The following EPB41L4B variants were observed in gnomAD, a reference collection of about 807,000 sequenced individuals.
EPB41L4B encodes band 4.1-like protein 4B.
A neutral mutation model predicts 112.5 loss-of-function variants in EPB41L4B; 30 were observed. The ratio of observed to expected loss-of-function variants is 0.27; its 90% confidence interval spans 0.20 to 0.36. EPB41L4B has a LOEUF of 0.36. Among genes scored for constraint, EPB41L4B ranks in the 10% least tolerant of loss-of-function variants. EPB41L4B has a pLI of 1.00. For synonymous variants in EPB41L4B, 408 were observed against 439.7 expected (o/e 0.93, Z 0.90); for missense variants, 1,024 against 1,133.3 (o/e 0.90, Z 1.38).
chr9:109,271,264 G>A (rs972048098), intron 2 of EPB41L4B, among the ~76,000 whole-genome samples: 1 of 152,208 alleles, frequency 6.6e-6, no homozygotes, highest in Non-Finnish European at 1.5e-5. Context: ...CAGCCACAGA[G>A]CCCTGCCCAA....
At chr9:109,194,503 G>A in intron 20 of EPB41L4B, 106 bp from the exon 21 acceptor site, 1 of 1,241,514 alleles carries the variant, frequency 8.1e-7, no homozygotes, top group South Asian at 1.5e-5. Context: ...GATGGGGATT[G>A]GGGGTTCCCA....
intron 13 of EPB41L4B, among the ~76,000 whole-genome samples, chr9:109,248,883 C>A (rs1014037039): frequency 4.0e-5 from 6 of 151,514 alleles, no homozygotes; most frequent in Non-Finnish European, 7.4e-5. Context: ...TACGGTGGAA[C>A]CTCGTCTCTA....
intron 4 of EPB41L4B, among the ~76,000 whole-genome samples, chr9:109,266,974 A>G (rs1400695289): frequency 1.3e-4 from 18 of 135,976 alleles, no homozygotes; most frequent in Non-Finnish European, 2.6e-4. Flanking sequence ...GTTTCAAAAA[A>G]AAAAAAAAAA....
chr9:109,304,167 T>C (rs1474051840), intron 1 of EPB41L4B, among the ~76,000 whole-genome samples: 4 of 152,192 alleles, frequency 2.6e-5, no homozygotes, highest in Non-Finnish European at 4.4e-5. Context: ...CAAGTAAAGA[T>C]ACATAAAGTG....
At chr9:109,250,708 G>A (rs533581602) in intron 13 of EPB41L4B, among the ~76,000 whole-genome samples, 12 of 152,250 alleles carry the variant, frequency 7.9e-5, no homozygotes, top group East Asian at 5.8e-4. Flanking sequence ...GTGTGGCTGC[G>A]GAGGATGTTT....
At chr9:109,320,014 G>A (rs954926303) in intron 1 of EPB41L4B, 127 bp downstream of exon 1, 5 of 766,580 alleles carry the variant, frequency 6.5e-6, no homozygotes, top group Non-Finnish European at 7.2e-6. Flanking sequence ...AGTGCTCGGA[G>A]AAGAGGATGG....
intron 21 of EPB41L4B, among the ~76,000 whole-genome samples, 157 bp downstream of exon 21, chr9:109,194,063 G>A (rs961011893): frequency 6.6e-6 from 1 of 152,194 alleles, no homozygotes; most frequent in Non-Finnish European, 1.5e-5. Context: ...TTGGGGTCAA[G>A]TTATATAAAA....
At chr9:109,271,869 G>T (rs1318718342) in intron 2 of EPB41L4B, among the ~76,000 whole-genome samples, 4 of 152,162 alleles carry the variant, frequency 2.6e-5, no homozygotes, top group African/African-American at 9.7e-5. Context: ...TCTCATCCAA[G>T]TCCATCTGGC....
chr9:109,283,216 C>T (rs781742292), intron 1 of EPB41L4B, among the ~76,000 whole-genome samples: 9 of 152,116 alleles, frequency 5.9e-5, no homozygotes, highest in Non-Finnish European at 8.8e-5. Flanking sequence ...GGCTTCTGGG[C>T]GGTGGGCAGG....
intron 23 of EPB41L4B, among the ~76,000 whole-genome samples, chr9:109,184,738 G>A (rs117003899): frequency 0.018 from 2,686 of 152,348 alleles, 33 homozygotes; most frequent in South Asian, 0.043. Context: ...GTTTAATCCA[G>A]CAGGGTATAG....
chr9:109,306,193 TAAATG>T (rs1837184529), intron 1 of EPB41L4B, among the ~76,000 whole-genome samples: 1 of 152,176 alleles, frequency 6.6e-6, no homozygotes, highest in African/African-American at 2.4e-5. Flanking sequence ...CTATAAGGAT[TAAATG>T]AAATGATCAA....
chr9:109,213,883 G>C, intron 16 of EPB41L4B, 65 bp from the exon 17 acceptor site: 1 of 1,460,994 alleles, frequency 6.8e-7, no homozygotes. Flanking sequence ...CAGGGGAAAA[G>C]GGACACTTGC....
rs750942076 is a variant in EPB41L4B, at chr9:109,172,256, C to T, written c.*2298G>A. The T allele has an allele frequency of 3.9e-5, 6 of 152,180 alleles. No individual in the cohort carries two copies. In the East Asian group the frequency reaches 9.6e-4, roughly 24 times the overall value. The allele number at this position is 152,180 out of a possible 1,614,324, so 9.4% of individuals were successfully genotyped here. On this transcript the variant is annotated 3_prime_UTR_variant, in exon 26 of 26. Coordinates refer to ENST00000374566, the MANE Select transcript of EPB41L4B (RefSeq NM_019114.5). ...CCTGGCTTCCCCAAGAAACCTTCAG[C>T]TTTGCCCTGGAGGTTTCCATCAGCG...
At chr9:109,238,095 G>A (rs1834214159) in intron 15 of EPB41L4B, among the ~76,000 whole-genome samples, 1 of 152,154 alleles carries the variant, frequency 6.6e-6, no homozygotes, top group African/African-American at 2.4e-5. Context: ...TAAACTCTAA[G>A]CCTGAGCTTC....
At chr9:109,262,086 A>C (rs1338218498) in intron 6 of EPB41L4B, among the ~76,000 whole-genome samples, 2 of 152,160 alleles carry the variant, frequency 1.3e-5, no homozygotes, top group African/African-American at 2.4e-5. Flanking sequence ...GAAACTACAC[A>C]CCACCAGGGC....
intron 1 of EPB41L4B, among the ~76,000 whole-genome samples, chr9:109,298,291 G>T (rs1466831267): frequency 6.8e-6 from 1 of 147,532 alleles, no homozygotes; most frequent in Admixed American, 6.9e-5. Context: ...TCACTAAGAA[G>T]AAAATTTCCC....
At chr9:109,231,265 T>C (rs2118907972) in intron 15 of EPB41L4B, among the ~76,000 whole-genome samples, 1 of 152,084 alleles carries the variant, frequency 6.6e-6, no homozygotes, top group Admixed American at 6.6e-5. Flanking sequence ...TTTCAAGAAA[T>C]GTTCCAATCA....
At chr9:109,317,080 G>C (rs1311087024) in intron 1 of EPB41L4B, among the ~76,000 whole-genome samples, 1 of 152,122 alleles carries the variant, frequency 6.6e-6, no homozygotes, top group Admixed American at 6.5e-5. Context: ...ACTCCAGCCT[G>C]GGTGACAGAT....
intron 18 of EPB41L4B, among the ~76,000 whole-genome samples, chr9:109,204,264 C>T (rs886590851): frequency 6.6e-6 from 1 of 151,988 alleles, no homozygotes; most frequent in Non-Finnish European, 1.5e-5. Flanking sequence ...GAGACACCCA[C>T]TCAGCCAGCC....
Sources: allele counts gnomAD v4.1 joint callset (sites outside exome capture counted in the v4.1 genomes callset), GRCh38; gene constraint gnomAD v4.1.1; transcripts MANE v1.5; gene names NCBI Gene and HGNC (gene_info 2026-07-23, HGNC 2026-07-21).